The following ZNF138 variants were observed in gnomAD, a reference collection of about 807,000 sequenced individuals.
The protein encoded by ZNF138 is zinc finger protein 138.
ZNF138 carries 33 observed loss-of-function variants against 33.0 expected under a neutral mutation model. The observed-to-expected ratio is 1.00, with a 90% CI of 0.76 to 1.34. The LOEUF is 1.34. Among genes scored for constraint, ZNF138 ranks in the 40% most tolerant of loss-of-function variants. The probability of loss-of-function intolerance (pLI) is 0.00; values close to 1 mark genes in which losing one functional copy is unlikely to be tolerated. For synonymous variants in ZNF138, 139 were observed against 120.4 expected, an observed-to-expected ratio of 1.15 and a Z score of -1.01; for missense variants, 360 against 370.8, an observed-to-expected ratio of 0.97 and a Z score of 0.24.
chr7:64,836,163 G>A (rs959991108), downstream of ZNF138: 1 of 152,184 alleles, frequency 6.6e-6, no homozygotes, highest in Non-Finnish European at 1.5e-5. Context: ...TAGGGTCTGA[G>A]AATAGTGGGA....
At chr7:64,828,497 A>G (rs1789824583) in intron 3 of ZNF138, among the ~76,000 whole-genome samples, 2 of 152,104 alleles carry the variant, frequency 1.3e-5, no homozygotes, top group Admixed American at 6.5e-5. Flanking sequence ...TTGTTACAAT[A>G]TTTCCTGCTT....
chr7:64,849,463 G>A, the ZNF138 span, among the ~76,000 whole-genome samples: 1 of 149,974 alleles, frequency 6.7e-6, no homozygotes, highest in Non-Finnish European at 1.5e-5. Flanking sequence ...AGCTGTGGTA[G>A]TATAGGGAGA....
rs1790153070 is a variant in ZNF138 at position 64,832,245 on chromosome 7, T to A, written c.*43T>A. ...GAAAATTTACACTAGAGAGAAAGCC[T>A]ACAAATGTGAAGAATGTGGCAAAGC... is the stretch of plus-strand genomic sequence containing the variant. On this transcript the variant is annotated 3_prime_UTR_variant, in exon 4 of 4. Coordinates refer to ENST00000307355, the MANE Select transcript of ZNF138 (RefSeq NM_001271639.2). 1 of 1,602,916 alleles carries A rather than the reference T, an allele frequency of 6.2e-7. No homozygotes were observed. The highest frequency in any genetic ancestry group is 8.5e-7 in the Non-Finnish European group (1 of 1,176,664).
At chr7:64,822,976 G>T (rs551830208) in intron 3 of ZNF138, among the ~76,000 whole-genome samples, 9 of 152,104 alleles carry the variant, frequency 5.9e-5, no homozygotes, top group African/African-American at 1.7e-4. Flanking sequence ...CTCCTCCCTG[G>T]TTCAAGTGAT....
intron 1 of ZNF138, among the ~76,000 whole-genome samples, chr7:64,795,781 T>C (rs1355526509): frequency 6.6e-6 from 1 of 152,148 alleles, no homozygotes; most frequent in Non-Finnish European, 1.5e-5. Flanking sequence ...AATGTGTCCT[T>C]AGTCACTCTT....
chr7:64,810,718 A>G (rs927005859), intron 1 of ZNF138, among the ~76,000 whole-genome samples: 3 of 151,730 alleles, frequency 2.0e-5, no homozygotes, highest in African/African-American at 7.3e-5. Context: ...CATAGGGTAC[A>G]CTCCCTGCCC....
intron 3 of ZNF138, among the ~76,000 whole-genome samples, chr7:64,827,378 G>A (rs1163170560): frequency 6.6e-6 from 1 of 151,930 alleles, no homozygotes; most frequent in African/African-American, 2.4e-5. Context: ...CCGAGTAGCT[G>A]GGACTACAGG....
downstream of ZNF138, among the ~76,000 whole-genome samples, chr7:64,837,816 T>C (rs62458373): frequency 0.044 from 6,654 of 152,216 alleles, 207 homozygotes; most frequent in East Asian, 0.14. Flanking sequence ...GTTTTATGAG[T>C]GGTAGGGCAG....
chr7:64,809,695 C>T (rs571848260), intron 1 of ZNF138, among the ~76,000 whole-genome samples: 289 of 148,002 alleles, frequency 2.0e-3, no homozygotes, highest in African/African-American at 6.7e-3. Flanking sequence ...CTCCTCACTT[C>T]TCAGACGGGG....
downstream of ZNF138, among the ~76,000 whole-genome samples, chr7:64,833,946 G>A (rs1015097660): frequency 2.6e-5 from 4 of 152,110 alleles, no homozygotes; most frequent in East Asian, 7.7e-4. Flanking sequence ...GGCTCATCTC[G>A]AACTCCTGAC....
At chr7:64,842,982 TTC>T in the ZNF138 span, among the ~76,000 whole-genome samples, 1 of 152,196 alleles carries the variant, frequency 6.6e-6, no homozygotes, top group Non-Finnish European at 1.5e-5. Context: ...AAACCCTCCT[TTC>T]TCCTAAATAA....
At chr7:64,839,523 G>A in the ZNF138 span, among the ~76,000 whole-genome samples, 347 of 152,290 alleles carry the variant, frequency 2.3e-3, 1 homozygote, top group Non-Finnish European at 3.8e-3. Flanking sequence ...TGGTGACCCG[G>A]ACTGGCCTTC....
In ZNF138 at chr7:64,831,091, T is replaced by A; in HGVS notation, c.209-360T>A. The A allele has an allele frequency of 1.9e-6, 3 of 1,547,122 alleles. No individual in the cohort carries two copies. In the South Asian group the frequency reaches 3.6e-5, roughly 19 times the overall value. ...GAAATAAAGATGTATGTGTTATTAT[T>A]TCTCTTGCCTTTTGAAAAAGAAACC... On this transcript the variant is annotated intron_variant, in intron 3 of 3. Transcript: ENST00000307355.
rs138721585 is a variant in ZNF138 at position 64,797,449 on chromosome 7, C to T, written c.3+2878C>T. Among the ~76,000 whole-genome samples the T allele has an allele frequency of 4.4e-4, 67 of 152,296 alleles. 1 individual carries two copies. The East Asian group carries it at 0.013, about 29-fold the overall frequency. ...AGTTTAAAAAACCATTTGAACAACT[C>T]CGACATGGAAATTAAAGCTTGCGCC... is the stretch of plus-strand genomic sequence containing the variant. On this transcript the variant is annotated intron_variant, in intron 1 of 3. Transcript: ENST00000307355.
At chr7:64,818,158 G>T (rs573257765) in intron 3 of ZNF138, among the ~76,000 whole-genome samples, 1 of 151,402 alleles carries the variant, frequency 6.6e-6, no homozygotes, top group Non-Finnish European at 1.5e-5. Flanking sequence ...TAATTTTGTT[G>T]TATTTTTAGT....
chr7:64,805,744 T>C (rs1422156631), intron 1 of ZNF138, among the ~76,000 whole-genome samples: 1 of 152,240 alleles, frequency 6.6e-6, no homozygotes, highest in African/African-American at 2.4e-5. Flanking sequence ...CAACCATTTC[T>C]ATAGGAGAGT....
At chr7:64,860,400 A>G in the ZNF138 span, among the ~76,000 whole-genome samples, 1 of 152,190 alleles carries the variant, frequency 6.6e-6, no homozygotes, top group Admixed American at 6.6e-5. Flanking sequence ...AACGTGGTAC[A>G]CTTCCATCAA....
At chr7:64,853,908 A>G in the ZNF138 span, among the ~76,000 whole-genome samples, 4 of 151,944 alleles carry the variant, frequency 2.6e-5, no homozygotes, top group Non-Finnish European at 5.9e-5. Context: ...AATAAAAACC[A>G]TCTTTAATCG....
intron 1 of ZNF138, among the ~76,000 whole-genome samples, chr7:64,800,632 A>G (rs117443009): frequency 0.025 from 3,748 of 152,210 alleles, 62 homozygotes; most frequent in Middle Eastern, 0.048. Flanking sequence ...CCTCAAGGAT[A>G]TTTGCATAAA....
Sources: gnomAD v4.1 joint callset for allele counts (sites outside exome capture counted in the v4.1 genomes callset) on GRCh38, gnomAD v4.1.1 for gene constraint, MANE v1.5 for transcripts, NCBI Gene and HGNC (gene_info 2026-07-23, HGNC 2026-07-21) for gene names.